The following MAPRE1 variants were observed in gnomAD, a reference collection of about 807,000 sequenced individuals.
MAPRE1 encodes the protein microtubule associated protein RP/EB family member 1, also known as microtubule-associated protein RP/EB family member 1.
MAPRE1 carries 5 observed loss-of-function variants against 32.1 expected under a neutral mutation model. The observed-to-expected ratio is 0.16, with a 90% confidence interval of 0.08 to 0.33. MAPRE1 has a LOEUF of 0.33. MAPRE1 is among the 10% of genes least tolerant of loss of function. The pLI is 1.00. For synonymous variants in MAPRE1, 122 were observed against 118.9 expected (o/e 1.03, Z -0.17); for missense variants, 209 against 327.2 (o/e 0.64, Z 2.79).
In MAPRE1 at chr20:32,836,790, G is replaced by T. The variant is rs761390778; in HGVS notation, c.424G>T (p.Val142Phe). The T allele has an allele frequency of 8.7e-6, 14 of 1,614,024 alleles. No homozygotes were observed. The African/African-American group carries it at 1.9e-4, about 22-fold the overall frequency. ...AGAAACTGCAGTGGCTCCTTCCCTTGTTGCTCCAGCTCTGAATAAACCGAA... is the reference window on the plus strand; with the variant it reads ...AGAAACTGCAGTGGCTCCTTCCCTTTTTGCTCCAGCTCTGAATAAACCGAA... ...GQETAVAPSL[V>F]APALNKPKKP... Residue 142 changes from valine (V) to phenylalanine (F), a missense_variant, in exon 4 of 7, where the codon GTT (valine) becomes TTT (phenylalanine). By Grantham distance (50) the Val-to-Phe change is conservative. Transcript: ENST00000375571.
rs1983538100 is a variant in MAPRE1, at chr20:32,847,603, T to C, written c.750+833T>C. On this transcript the variant is annotated intron_variant, in intron 6 of 6. Coordinates refer to ENST00000375571, the MANE Select transcript of MAPRE1 (RefSeq NM_012325.3). ...GTTGAATAAATCTTTAATTTAGAGC[T>C]TGCTCTGTGCTATGTAATGAAAAAA... is the stretch of plus-strand genomic sequence containing the variant. 2.0e-5 allele frequency among the ~76,000 whole-genome samples: 3 copies of C among 152,354 alleles called. No individual in the cohort carries two copies. The South Asian group carries it at 6.2e-4, about 32-fold the overall frequency.
chr20:32,826,798 T>C (rs909108665), intron 2 of MAPRE1, among the ~76,000 whole-genome samples: 1 of 151,948 alleles, frequency 6.6e-6, no homozygotes, highest in Non-Finnish European at 1.5e-5. Context: ...ATTACAGGCA[T>C]GAGCCACCAT....
intron 1 of MAPRE1, among the ~76,000 whole-genome samples, chr20:32,822,751 C>T (rs1982737447): frequency 6.6e-6 from 1 of 152,176 alleles, no homozygotes; most frequent in Admixed American, 6.6e-5. Flanking sequence ...CCCATGTCCT[C>T]CTGGCTTGAA....
chr20:32,842,308 A>T (rs552003131), intron 5 of MAPRE1, among the ~76,000 whole-genome samples: 1 of 152,298 alleles, frequency 6.6e-6, no homozygotes, highest in African/African-American at 2.4e-5. Flanking sequence ...GATGGTCTCG[A>T]TCTTCTGGCC....
In MAPRE1 at chr20:32,833,805, G is replaced by A. The variant is rs1983107524; in HGVS notation, c.210G>A (p.Glu70=). ...AATTCCAAGCTAAGCTAGAACACGAGTACATCCAGAACTTCAAAATACTAC... is the reference window on the plus strand; with the variant it reads ...AATTCCAAGCTAAGCTAGAACACGAATACATCCAGAACTTCAAAATACTAC... ...KVKFQAKLEH[E]YIQNFKILQA... is the part of the protein sequence containing the mutation. Residue 70 remains glutamate (E), a synonymous_variant, in exon 3 of 7, where the codon GAG becomes GAA. Coordinates refer to ENST00000375571, the MANE Select transcript of MAPRE1 (RefSeq NM_012325.3). 1.2e-6 allele frequency: 2 copies of A among 1,613,926 alleles called. No homozygotes were observed. Among genetic ancestry groups the A allele is most frequent in the East Asian group, 2.2e-5 (1 of 44,886 alleles).
At chr20:32,821,480 T>A (rs1219290403) in intron 1 of MAPRE1, among the ~76,000 whole-genome samples, 1 of 152,252 alleles carries the variant, frequency 6.6e-6, no homozygotes, top group Non-Finnish European at 1.5e-5. Flanking sequence ...CACATCCAGA[T>A]GTGCCCTTTG....
chr20:32,837,415 G>C (rs388492), intron 4 of MAPRE1, among the ~76,000 whole-genome samples: 1 of 151,982 alleles, frequency 6.6e-6, no homozygotes, highest in African/African-American at 2.4e-5. Context: ...AGTCAGGGGC[G>C]GGGGTAGGGG....
At chr20:32,820,626 A>G (rs1193705081) in intron 1 of MAPRE1, among the ~76,000 whole-genome samples, 1 of 152,128 alleles carries the variant, frequency 6.6e-6, no homozygotes, top group Non-Finnish European at 1.5e-5. Context: ...GTGTTTATTG[A>G]ATGCCCACTA....
Position 32,850,060 on chromosome 20 carries a change from C to A in MAPRE1, c.*1332C>A, listed in dbSNP as rs1166246196. On this transcript the variant is annotated 3_prime_UTR_variant, in exon 7 of 7. Coordinates refer to ENST00000375571, the MANE Select transcript of MAPRE1 (RefSeq NM_012325.3). Reference sequence around the variant, plus strand: ...TCTGCAAAATGTGTCTCACCCACTACTGAGATTGTTCAGCCCCTGATGTAT... The same window carrying A: ...TCTGCAAAATGTGTCTCACCCACTAATGAGATTGTTCAGCCCCTGATGTAT... The A allele has an allele frequency of 2.0e-5, 3 of 152,760 alleles. No homozygotes were observed. Among genetic ancestry groups the A allele is most frequent in the East Asian group, 1.9e-4 (1 of 5,194 alleles). The allele number at this position is 152,760 out of a possible 1,614,324, so 9.5% of individuals were successfully genotyped here. A position where few individuals can be genotyped will look rare whatever the true frequency, so the allele number is the denominator to read the frequency against.
Position 32,836,673 on chromosome 20 carries a change from G to A in MAPRE1, c.307G>A (p.Asp103Asn), listed in dbSNP as rs1448823795. The A allele has an allele frequency of 1.2e-6, 2 of 1,613,086 alleles. No individual in the cohort carries two copies. The highest frequency in any genetic ancestry group is 2.2e-5 in the East Asian group (1 of 44,886). Residue 103 changes from aspartate to asparagine, a missense_variant, in exon 4 of 7, where the codon GAC becomes AAC. Around this residue, in one of 3 missense-constraint regions of MAPRE1, gnomAD observed 67 missense variants for 140.0 expected, o/e 0.48. Coordinates refer to ENST00000375571, the MANE Select transcript of MAPRE1 (RefSeq NM_012325.3). ...CAAATTAGTAAAAGGAAAGTTTCAG[G>A]ACAATTTTGAATTCGTTCAGTGGTT... Reference protein sequence around the residue: ...VDKLVKGKFQDNFEFVQWFKK... With the variant: ...VDKLVKGKFQNNFEFVQWFKK...
chr20:32,826,018 A>C lies in MAPRE1; in HGVS notation c.91A>C (p.Asn31His), dbSNP rs750450777. The C allele has an allele frequency of 1.2e-6, 2 of 1,608,206 alleles. No homozygotes were observed. Among genetic ancestry groups the C allele is most frequent in the Non-Finnish European group, 1.7e-6 (2 of 1,175,416 alleles). ...LAWINESLQLNLTKIEQLCSG... is the reference protein window; with the variant it reads ...LAWINESLQLHLTKIEQLCSG... ...CTGGATCAATGAGTCTCTGCAGTTGAATCTGACAAAGATCGAACAGTTGTG... is the reference window on the plus strand; with the variant it reads ...CTGGATCAATGAGTCTCTGCAGTTGCATCTGACAAAGATCGAACAGTTGTG... The change falls in exon 2 of 7, where the codon AAT becomes CAT. Residue 31 changes from asparagine to histidine, a missense_variant. By Grantham distance (68) the Asn-to-His change is moderately conservative. Coordinates refer to ENST00000375571, the MANE Select transcript of MAPRE1 (RefSeq NM_012325.3).
intron 4 of MAPRE1, among the ~76,000 whole-genome samples, chr20:32,838,658 A>G (rs1439256306): frequency 1.3e-5 from 2 of 152,132 alleles, no homozygotes; most frequent in Non-Finnish European, 2.9e-5. Context: ...AGTACTTTTT[A>G]TTCTTTACCT....
At chr20:32,825,073 A>T (rs968137405) in intron 1 of MAPRE1, among the ~76,000 whole-genome samples, 1 of 151,164 alleles carries the variant, frequency 6.6e-6, no homozygotes, top group Non-Finnish European at 1.5e-5. Context: ...AATCACTTGA[A>T]CCTGGGAGGC....
At chr20:32,832,284 G>A (rs1487675553) in intron 2 of MAPRE1, among the ~76,000 whole-genome samples, 2 of 152,136 alleles carry the variant, frequency 1.3e-5, no homozygotes, top group Non-Finnish European at 2.9e-5. Context: ...AGCCCTGGAA[G>A]GGCAGTAAAG....
intron 4 of MAPRE1, among the ~76,000 whole-genome samples, chr20:32,838,454 C>T (rs747261000): frequency 7.2e-5 from 11 of 152,156 alleles, no homozygotes; most frequent in Non-Finnish European, 1.2e-4. Context: ...CGTTCATATA[C>T]GGCTTCTGTG....
At chr20:32,827,405 T>A (rs945490286) in intron 2 of MAPRE1, among the ~76,000 whole-genome samples, 5 of 151,604 alleles carry the variant, frequency 3.3e-5, no homozygotes, top group African/African-American at 4.8e-5. Context: ...CGAGACTCCG[T>A]CTCAAAAAAA....
chr20:32,842,456 G>T (rs1390424750), intron 5 of MAPRE1, among the ~76,000 whole-genome samples: 2 of 152,204 alleles, frequency 1.3e-5, no homozygotes, highest in Non-Finnish European at 2.9e-5. Context: ...CAGCAACCCT[G>T]TGAGGTTTTA....
At chr20:32,847,356 TC>T (rs1163551582) in intron 6 of MAPRE1, among the ~76,000 whole-genome samples, 1 of 152,342 alleles carries the variant, frequency 6.6e-6, no homozygotes, top group Non-Finnish European at 1.5e-5. Context: ...CTCATTTTTT[TC>T]TAGATTTAGG....
intron 3 of MAPRE1, among the ~76,000 whole-genome samples, chr20:32,834,135 A>AT (rs1206714973): frequency 5.9e-5 from 9 of 152,168 alleles, no homozygotes; most frequent in African/African-American, 1.9e-4. Flanking sequence ...TTTTTAAAAA[A>AT]TTCCTGTGTA....
Sources: allele counts gnomAD v4.1 joint callset (sites outside exome capture counted in the v4.1 genomes callset), GRCh38; gene constraint gnomAD v4.1.1; regional missense constraint gnomAD v4.1.1; transcripts MANE v1.5; gene names NCBI Gene and HGNC (gene_info 2026-07-23, HGNC 2026-07-21).